Variants in NLGN1 observed in about 807,000 individuals in gnomAD.
NLGN1 encodes the protein neuroligin-1.
In NLGN1, 12 loss-of-function variants were observed where a neutral mutation model predicts 65.5. The ratio of observed to expected loss-of-function variants is 0.18; its 90% confidence interval spans 0.12 to 0.30. NLGN1 has a LOEUF of 0.30. Ranked by LOEUF, NLGN1 falls within the 10% of genes least tolerant of loss-of-function variation. NLGN1 has a pLI of 1.00. For synonymous variants in NLGN1, 350 were observed against 359.5 expected (o/e 0.97, Z 0.30); for missense variants, 750 against 1,007.1 (o/e 0.74, Z 3.46).
At chr3:173,780,405 A>G (rs534948493) in intron 3 of NLGN1, among the ~76,000 whole-genome samples, 1 of 152,352 alleles carries the variant, frequency 6.6e-6, no homozygotes, top group African/African-American at 2.4e-5. Context: ...ATAAGACTCA[A>G]TAGTTTATTG....
At chr3:173,412,295 C>T (rs1712728914) in intron 1 of NLGN1, among the ~76,000 whole-genome samples, 1 of 140,678 alleles carries the variant, frequency 7.1e-6, no homozygotes, top group African/African-American at 2.7e-5. Context: ...GTGCTCAATG[C>T]ATTCTCTCTC....
intron 2 of NLGN1, among the ~76,000 whole-genome samples, chr3:173,589,288 C>T (rs1233784694): frequency 6.6e-6 from 1 of 152,178 alleles, no homozygotes; most frequent in African/African-American, 2.4e-5. Flanking sequence ...TGACAGGCCA[C>T]ACAGTAGCTT....
At chr3:174,122,510 AGAGGGG>A (rs1717988245) in intron 4 of NLGN1, among the ~76,000 whole-genome samples, 2 of 152,138 alleles carry the variant, frequency 1.3e-5, no homozygotes. Context: ...TCTTCTACCT[AGAGGGG>A]GAGATTATTT....
chr3:174,256,578 T>C (rs978213940), intron 4 of NLGN1, among the ~76,000 whole-genome samples: 2 of 152,114 alleles, frequency 1.3e-5, no homozygotes, highest in Non-Finnish European at 2.9e-5. Flanking sequence ...GGTGTGTTGG[T>C]ACTTCTATGT....
intron 4 of NLGN1, among the ~76,000 whole-genome samples, chr3:173,930,797 C>T (rs906390802): frequency 6.6e-6 from 1 of 152,108 alleles, no homozygotes; most frequent in African/African-American, 2.4e-5. Flanking sequence ...AGAGAGTTCT[C>T]TTGGAGTAGG....
intron 4 of NLGN1, among the ~76,000 whole-genome samples, chr3:173,808,767 G>T (rs1717231392): frequency 6.6e-6 from 1 of 152,020 alleles, no homozygotes; most frequent in Non-Finnish European, 1.5e-5. Flanking sequence ...TTATAATTTT[G>T]TTTATACACA....
At chr3:173,707,420 T>C (rs1768204454) in intron 3 of NLGN1, among the ~76,000 whole-genome samples, 1 of 152,182 alleles carries the variant, frequency 6.6e-6, no homozygotes, top group Non-Finnish European at 1.5e-5. Flanking sequence ...TCAAAAGTAG[T>C]AAGTGTATCG....
intron 4 of NLGN1, among the ~76,000 whole-genome samples, chr3:174,070,920 G>A (rs1001443162): frequency 6.6e-6 from 1 of 152,016 alleles, no homozygotes; most frequent in African/African-American, 2.4e-5. Flanking sequence ...GCCAGGTGTG[G>A]TAGATGCACA....
chr3:173,718,209 T>C (rs1198754487), intron 3 of NLGN1, among the ~76,000 whole-genome samples: 1 of 152,160 alleles, frequency 6.6e-6, no homozygotes, highest in Non-Finnish European at 1.5e-5. Flanking sequence ...TTGTTAACTA[T>C]AATGACTCTA....
At chr3:173,897,246 C>T (rs908128494) in intron 4 of NLGN1, among the ~76,000 whole-genome samples, 1 of 152,196 alleles carries the variant, frequency 6.6e-6, no homozygotes, top group Non-Finnish European at 1.5e-5. Context: ...TCCAGGCAAT[C>T]CCGCTAGAGA....
At chr3:173,415,890 A>AATATATATAT (rs149873787) in intron 1 of NLGN1, among the ~76,000 whole-genome samples, 1,847 of 134,282 alleles carry the variant, frequency 0.014, 12 homozygotes, top group Middle Eastern at 0.046. Context: ...GCAAGGAGTA[A>AATATATATAT]ATATATATAT....
At chr3:174,175,255 A>G (rs1480866100) in intron 4 of NLGN1, among the ~76,000 whole-genome samples, 1 of 151,846 alleles carries the variant, frequency 6.6e-6, no homozygotes, top group Non-Finnish European at 1.5e-5. Flanking sequence ...CTATTATTCT[A>G]TGGGAGTCTC....
At chr3:173,699,036 A>C (rs969102378) in intron 3 of NLGN1, among the ~76,000 whole-genome samples, 1 of 152,042 alleles carries the variant, frequency 6.6e-6, no homozygotes, top group African/African-American at 2.4e-5. Flanking sequence ...TTGTAATTTT[A>C]GTAGAGACGC....
intron 3 of NLGN1, among the ~76,000 whole-genome samples, chr3:173,704,548 A>G (rs563911486): frequency 2.6e-5 from 4 of 152,306 alleles, no homozygotes; most frequent in Admixed American, 2.0e-4. Flanking sequence ...GTGAGATCTG[A>G]TAGAAGTATT....
At chr3:174,238,286 G>A (rs2152827139) in intron 4 of NLGN1, among the ~76,000 whole-genome samples, 1 of 151,860 alleles carries the variant, frequency 6.6e-6, no homozygotes, top group South Asian at 2.1e-4. Flanking sequence ...AGGTTAAATA[G>A]ACATTTCTTC....
At chr3:173,848,367 A>G (rs944356339) in intron 4 of NLGN1, among the ~76,000 whole-genome samples, 3 of 152,172 alleles carry the variant, frequency 2.0e-5, no homozygotes, top group African/African-American at 7.2e-5. Context: ...GTTGCACCTT[A>G]AAGAGAGCAG....
At chr3:173,444,686 A>G (rs1719846299) in intron 2 of NLGN1, among the ~76,000 whole-genome samples, 1 of 152,088 alleles carries the variant, frequency 6.6e-6, no homozygotes, top group South Asian at 2.1e-4. Context: ...CCTGGCCTCA[A>G]CGGCTGGATG....
At chr3:174,196,782 T>C (rs1207810415) in intron 4 of NLGN1, among the ~76,000 whole-genome samples, 2 of 152,196 alleles carry the variant, frequency 1.3e-5, no homozygotes, top group African/African-American at 4.8e-5. Context: ...CTACAATGTA[T>C]AGAAAAAAAT....
chr3:174,038,384 T>C (rs1731586666), intron 4 of NLGN1, among the ~76,000 whole-genome samples: 1 of 152,150 alleles, frequency 6.6e-6, no homozygotes, highest in African/African-American at 2.4e-5. Flanking sequence ...TCTCAGTTCA[T>C]GCACCAGATT....
Sources: allele counts gnomAD v4.1 joint callset (sites outside exome capture counted in the v4.1 genomes callset), GRCh38; gene constraint gnomAD v4.1.1; transcripts MANE v1.5; gene names NCBI Gene and HGNC (gene_info 2026-07-23, HGNC 2026-07-21).